Variants in FRYL observed in about 807,000 individuals in gnomAD.
The protein encoded by FRYL is FRY like transcription coactivator.
In FRYL, 150 loss-of-function variants were observed where a neutral mutation model predicts 351.2. The ratio of observed to expected loss-of-function variants is 0.43; its 90% confidence interval spans 0.37 to 0.49. The LOEUF (loss-of-function observed/expected upper bound fraction) is 0.49, where lower values mean the gene tolerates loss of function less well. FRYL is among the 20% of genes least tolerant of loss of function. The pLI is 0.00. For missense variants in FRYL, 3,036 were observed against 3,619.3 expected, an observed-to-expected ratio of 0.84 and a Z score of 4.13; for synonymous variants, 1,153 against 1,257.1, an observed-to-expected ratio of 0.92 and a Z score of 1.75.
chr4:48,575,993 G>T (rs745610133), intron 24 of FRYL, 37 bp downstream of exon 24: 2 of 1,434,352 alleles, frequency 1.4e-6, no homozygotes, highest in Admixed American at 5.1e-5. Context: ...GGGCCATTCA[G>T]ATTTCATATA....
chr4:48,603,886 G>A (rs551469537), intron 11 of FRYL, among the ~76,000 whole-genome samples: 1 of 152,260 alleles, frequency 6.6e-6, no homozygotes, highest in Non-Finnish European at 1.5e-5. Flanking sequence ...TGCCCAAGAA[G>A]CTCTTCCCAC....
intron 4 of FRYL, among the ~76,000 whole-genome samples, chr4:48,628,344 CATA>C (rs1475018578): frequency 6.6e-6 from 1 of 151,738 alleles, no homozygotes; most frequent in African/African-American, 2.4e-5. Flanking sequence ...TTGGCTGATA[CATA>C]ATAATCTCCA....
intron 12 of FRYL, 39 bp downstream of exon 12, chr4:48,603,251 C>A: frequency 8.0e-7 from 1 of 1,253,188 alleles, no homozygotes; most frequent in South Asian, 1.3e-5. Context: ...ACTAAAAATC[C>A]CAATTAAATA....
chr4:48,632,056 A>C (rs1164323826), intron 4 of FRYL, among the ~76,000 whole-genome samples: 9 of 4,862 alleles, frequency 1.9e-3, no homozygotes, highest in South Asian at 0.019. Flanking sequence ...CTGTCTCTCC[A>C]AAAAAAAAAA....
In FRYL at chr4:48,542,130, A is replaced by T; in HGVS notation, c.5593-9T>A. The T allele has an allele frequency of 6.3e-7, 1 of 1,586,348 alleles. No homozygotes were observed. Among genetic ancestry groups the T allele is most frequent in the Non-Finnish European group, 8.7e-7 (1 of 1,155,396 alleles). On this transcript the variant is annotated splice_polypyrimidine_tract_variant and intron_variant, in intron 44 of 63. Transcript: ENST00000358350. ...AGCTCAATCACAAATCCCTGGGGGG[A>T]AAAAGGCAGATTTTAATTAATTATG...
intron 3 of FRYL, among the ~76,000 whole-genome samples, chr4:48,682,317 C>T (rs151162441): frequency 1.7e-4 from 26 of 152,132 alleles, no homozygotes; most frequent in Non-Finnish European, 2.8e-4. Context: ...AGCATAAAAA[C>T]CCTAGAAGAA....
chr4:48,608,866 G>A, intron 9 of FRYL, 121 bp downstream of exon 9: 1 of 683,348 alleles, frequency 1.5e-6, no homozygotes, highest in Non-Finnish European at 2.6e-6. Flanking sequence ...AATAAAAGGT[G>A]GAGCTGACTT....
intron 47 of FRYL, 132 bp from the exon 48 acceptor site, chr4:48,535,959 G>T (rs1026450681): frequency 2.8e-5 from 18 of 653,266 alleles, no homozygotes; most frequent in Non-Finnish European, 3.8e-5. Flanking sequence ...ACTTCAATAC[G>T]TTAGAAAAGT....
chr4:48,547,801 A>T, intron 40 of FRYL, 32 bp from the exon 41 acceptor site: 1 of 1,327,676 alleles, frequency 7.5e-7, no homozygotes, highest in East Asian at 2.6e-5. Flanking sequence ...CATTATCAAT[A>T]AAGAGAAATA....
chr4:48,537,502 A>G (rs1729142520), intron 47 of FRYL, among the ~76,000 whole-genome samples: 1 of 152,202 alleles, frequency 6.6e-6, no homozygotes, highest in South Asian at 2.1e-4. Context: ...AACTAGGGAT[A>G]TTTGCATAAT....
chr4:48,616,024 T>C (rs1203502922), intron 7 of FRYL, among the ~76,000 whole-genome samples: 3 of 151,196 alleles, frequency 2.0e-5, no homozygotes, highest in East Asian at 1.9e-4. Context: ...TGAGAACACA[T>C]GGACACAGGG....
intron 1 of FRYL, among the ~76,000 whole-genome samples, chr4:48,746,680 G>A (rs1249681464): frequency 6.6e-6 from 1 of 152,192 alleles, no homozygotes; most frequent in Non-Finnish European, 1.5e-5. Flanking sequence ...AACAGAATGT[G>A]GCAGAAGTGG....
intron 1 of FRYL, among the ~76,000 whole-genome samples, chr4:48,763,902 C>T (rs1560370976): frequency 6.6e-6 from 1 of 152,192 alleles, no homozygotes. Context: ...GACTTTGTGG[C>T]TCACATCTGT....
intron 16 of FRYL, among the ~76,000 whole-genome samples, chr4:48,592,081 C>CA (rs1210107998): frequency 0.048 from 1,179 of 24,566 alleles, 32 homozygotes; most frequent in African/African-American, 0.15. Flanking sequence ...AAATAAAGCT[C>CA]TTATATATAT....
rs181131587 is a variant in FRYL at position 48,560,633 on chromosome 4, T to C, written c.3865+835A>G. ...CACGGCGGCCGCTATTTTGTGTTGA[T>C]GATCACTCATATTCATCTTGGAAGG... On this transcript the variant is annotated intron_variant, in intron 33 of 63. Coordinates refer to ENST00000358350, the MANE Select transcript of FRYL (RefSeq NM_015030.2). 5.6e-3 allele frequency among the ~76,000 whole-genome samples: 860 copies of C among 152,234 alleles called. 8 individuals are homozygous for C. The highest frequency in any genetic ancestry group is 0.02 in the African/African-American group (816 of 41,546).
Position 48,710,563 on chromosome 4 carries a change from C to G in FRYL, c.-248G>C, listed in dbSNP as rs574686085. 7 of 398,408 alleles carry G rather than the reference C, an allele frequency of 1.8e-5. No homozygotes were observed. The highest frequency in any genetic ancestry group is 8.8e-5 in the Admixed American group (2 of 22,708). The allele number at this position is 398,408 out of a possible 1,614,324, so 24.7% of individuals were successfully genotyped here. On this transcript the variant is annotated 5_prime_UTR_variant, in exon 2 of 64. Transcript: ENST00000358350. ...AGGCACAGAGTTTGTAGAAAAGACA[C>G]CAAGTTTGGAAAGGATCCATCTAGA...
intron 57 of FRYL, among the ~76,000 whole-genome samples, chr4:48,512,146 G>A (rs183567495): frequency 2.2e-4 from 34 of 152,288 alleles, no homozygotes; most frequent in African/African-American, 6.3e-4. Context: ...GCTGATTTAT[G>A]ATATATTAAC....
rs1744440968 is a variant in FRYL at position 48,595,665 on chromosome 4, TG to T, written c.1172del (p.Pro391GlnfsTer18). 6.2e-7 allele frequency: 1 copy of T among 1,612,914 alleles called. No homozygotes were observed. The highest frequency in any genetic ancestry group is 8.5e-7 in the Non-Finnish European group (1 of 1,179,352). On this transcript the variant is annotated frameshift_variant, in exon 15 of 64. Coordinates refer to ENST00000358350, the MANE Select transcript of FRYL (RefSeq NM_015030.2). LOFTEE classifies it high-confidence loss of function. ...GAGGAACCACACTTCGTGAGCCTTT[TG>T]GAAAAAGTGCTGACACTATGCTCAT... ...RLMSIVSALF[P>X]KGSRSVVPRD...
intron 3 of FRYL, among the ~76,000 whole-genome samples, chr4:48,673,358 T>A (rs1423659607): frequency 1.3e-5 from 2 of 151,806 alleles, no homozygotes; most frequent in African/African-American, 4.9e-5. Flanking sequence ...AATAAAATAA[T>A]AAAACTTGAT....
Sources: allele counts gnomAD v4.1 joint callset (sites outside exome capture counted in the v4.1 genomes callset), GRCh38; gene constraint gnomAD v4.1.1; transcripts MANE v1.5; gene names NCBI Gene and HGNC (gene_info 2026-07-23, HGNC 2026-07-21).